MCCC1: variants seen among roughly 807,000 people sequenced by gnomAD.
MCCC1 encodes the protein methylcrotonoyl-CoA carboxylase subunit alpha, mitochondrial.
A neutral mutation model predicts 83.8 loss-of-function variants in MCCC1; 64 were observed. The observed-to-expected ratio is 0.76, with a 90% CI of 0.62 to 0.94. The LOEUF (loss-of-function observed/expected upper bound fraction) is 0.94. Ranked by LOEUF, MCCC1 falls within the 40% of genes least tolerant of loss-of-function variation. MCCC1 has a pLI of 0.00. For synonymous variants in MCCC1, 322 were observed against 315.4 expected (o/e 1.02, Z -0.22); for missense variants, 807 against 904.7 (o/e 0.89, Z 1.39).
intron 8 of MCCC1, among the ~76,000 whole-genome samples, chr3:183,052,809 C>CAAAAAA (rs71185624): frequency 1.5e-5 from 1 of 66,624 alleles, no homozygotes; most frequent in Non-Finnish European, 2.5e-5. Context: ...GACTTTGTCT[C>CAAAAAA]AAAAAAAAAA....
At chr3:183,080,214 C>T (rs186919136) in intron 4 of MCCC1, among the ~76,000 whole-genome samples, 118 of 152,302 alleles carry the variant, frequency 7.7e-4, no homozygotes, top group Non-Finnish European at 1.4e-3. Context: ...TTCTTTTCTA[C>T]CACATTGTCA....
intron 7 of MCCC1, among the ~76,000 whole-genome samples, 199 bp from the exon 8 acceptor site, chr3:183,057,621 G>A (rs1008104449): frequency 6.6e-6 from 1 of 152,196 alleles, no homozygotes; most frequent in African/African-American, 2.4e-5. Flanking sequence ...GCTCATGCCC[G>A]TAATCCCAGC....
At chr3:183,024,477 C>T (rs1444499972) in intron 15 of MCCC1, among the ~76,000 whole-genome samples, 1 of 151,876 alleles carries the variant, frequency 6.6e-6, no homozygotes, top group Admixed American at 6.6e-5. Flanking sequence ...TGGCAGAGGA[C>T]TCGAATAGAG....
In MCCC1 at chr3:183,092,465, C is replaced by T; in HGVS notation, c.217G>A (p.Val73Ile). The stretch of plus-strand genomic sequence containing the variant: ...TCACTATAAACCGCCACAGTCTGTA[C>T]ACCCAGTTTTTTGGCTGTGCGCATC... ...RVMRTAKKLG[V>I]QTVAVYSEAD... Residue 73 changes from valine to isoleucine, a missense_variant, in exon 3 of 19, where the codon GTA becomes ATA. Val to Ile is a conservative substitution (Grantham distance 29, BLOSUM62 3). Transcript: ENST00000265594. 13 of 1,614,208 alleles carry T rather than the reference C, an allele frequency of 8.1e-6. No homozygotes were observed. Among genetic ancestry groups the T allele is most frequent in the Non-Finnish European group, 1.1e-5 (13 of 1,180,040 alleles).
At chr3:183,104,644 T>C (rs1357189668) in intron 1 of MCCC1, among the ~76,000 whole-genome samples, 2 of 151,988 alleles carry the variant, frequency 1.3e-5, no homozygotes, top group Non-Finnish European at 2.9e-5. Flanking sequence ...AGATCTGTAA[T>C]GAAAGAGAAA....
chr3:183,101,703 G>A (rs570408369), upstream of MCCC1, among the ~76,000 whole-genome samples: 2 of 152,302 alleles, frequency 1.3e-5, no homozygotes, highest in South Asian at 2.1e-4. Context: ...CAACCTGCTC[G>A]GGTCCCATTC....
chr3:183,028,907 G>A (rs1342317650), intron 14 of MCCC1, among the ~76,000 whole-genome samples: 1 of 152,180 alleles, frequency 6.6e-6, no homozygotes, highest in Non-Finnish European at 1.5e-5. Flanking sequence ...AAGACCCTAT[G>A]CCAGCAACAA....
intron 1 of MCCC1, among the ~76,000 whole-genome samples, chr3:183,108,685 GTGC>G (rs768353652): frequency 4.4e-4 from 67 of 152,312 alleles, no homozygotes; most frequent in Admixed American, 2.1e-3. Flanking sequence ...AGAAGCTGGT[GTGC>G]TGTTCTCTCT....
At chr3:183,099,193 CG>C (rs1718966226) in intron 1 of MCCC1, 158 bp downstream of exon 1, 8 of 762,166 alleles carry the variant, frequency 1.0e-5, no homozygotes, top group Non-Finnish European at 1.7e-5. Flanking sequence ...TTCCTCCCGA[CG>C]CCGTGACTGC....
chr3:183,055,038 C>T (rs1359732064), intron 8 of MCCC1, among the ~76,000 whole-genome samples: 1 of 152,148 alleles, frequency 6.6e-6, no homozygotes, highest in Non-Finnish European at 1.5e-5. Flanking sequence ...ACGCATTTCT[C>T]AGAATGTATT....
chr3:183,058,626 C>T (rs1715605446), intron 7 of MCCC1, among the ~76,000 whole-genome samples: 1 of 152,058 alleles, frequency 6.6e-6, no homozygotes, highest in Non-Finnish European at 1.5e-5. Flanking sequence ...CAGACCCCAT[C>T]TCTAAGGAAA....
At chr3:183,084,330 T>G (rs530510678) in intron 4 of MCCC1, among the ~76,000 whole-genome samples, 1 of 152,326 alleles carries the variant, frequency 6.6e-6, no homozygotes, top group East Asian at 1.9e-4. Flanking sequence ...GCCCATAAGA[T>G]GAAGGTAATA....
chr3:183,043,949 T>G (rs1714322342), intron 10 of MCCC1, among the ~76,000 whole-genome samples: 2 of 152,182 alleles, frequency 1.3e-5, no homozygotes, highest in African/African-American at 4.8e-5. Context: ...CCACTACAGT[T>G]TTTCTTGACA....
rs775799448 is a variant in MCCC1 at position 183,020,083 on chromosome 3, C to T, written c.1977+47G>A. 1.6e-5 allele frequency: 22 copies of T among 1,406,776 alleles called. No individual in the cohort carries two copies. In the African/African-American group the frequency reaches 1.8e-4, roughly 12 times the overall value. The allele number at this position is 1,406,776 out of a possible 1,614,324, so 87.1% of individuals were successfully genotyped here. On this transcript the variant is annotated intron_variant, in intron 17 of 18. Transcript: ENST00000265594. Reference sequence around the variant, plus strand: ...ATAAATGACAAGTTTAACAAAGCCACGTATTAAAACTTACTGAACATCATT... The same window carrying T: ...ATAAATGACAAGTTTAACAAAGCCATGTATTAAAACTTACTGAACATCATT...
At chr3:183,037,098 G>A in intron 13 of MCCC1, 120 bp downstream of exon 13, 1 of 940,254 alleles carries the variant, frequency 1.1e-6, no homozygotes, top group East Asian at 2.5e-5. Context: ...CATCTGAAAA[G>A]AATGGTGTCA....
In MCCC1 at chr3:183,046,248, T is replaced by C. The variant is rs149760925; in HGVS notation, c.956-708A>G. The stretch of plus-strand genomic sequence containing the variant: ...GATCCAGGAAACCACCAATCTGCTT[T>C]CTGTCACTATAGTTTTTCTAGAATT... On this transcript the variant is annotated intron_variant, in intron 9 of 18. Coordinates refer to ENST00000265594, the MANE Select transcript of MCCC1 (RefSeq NM_020166.5). 6.0e-4 allele frequency among the ~76,000 whole-genome samples: 92 copies of C among 152,318 alleles called. 1 individual carries two copies. The highest frequency in any genetic ancestry group is 3.4e-3 in the Middle Eastern group (1 of 294).
chr3:183,028,350 G>C (rs1295513578), intron 14 of MCCC1, among the ~76,000 whole-genome samples: 1 of 152,144 alleles, frequency 6.6e-6, no homozygotes, highest in African/African-American at 2.4e-5. Flanking sequence ...CCACCCAAGG[G>C]CTCTGATGGA....
intron 3 of MCCC1, among the ~76,000 whole-genome samples, 165 bp from the exon 4 acceptor site, chr3:183,086,953 T>C (rs1487023911): frequency 1.3e-5 from 2 of 152,192 alleles, no homozygotes; most frequent in African/African-American, 4.8e-5. Flanking sequence ...GTCTACACTA[T>C]AAAAATAAGC....
chr3:183,102,490 T>C (rs1243061302), upstream of MCCC1, among the ~76,000 whole-genome samples: 1 of 152,128 alleles, frequency 6.6e-6, no homozygotes, highest in African/African-American at 2.4e-5. Context: ...ATTAATAAAA[T>C]GAATATTAAG....
Sources: gnomAD v4.1 joint callset for allele counts (sites outside exome capture counted in the v4.1 genomes callset) on GRCh38, gnomAD v4.1.1 for gene constraint, MANE v1.5 for transcripts, NCBI Gene and HGNC (gene_info 2026-07-23, HGNC 2026-07-21) for gene names.